The following ZC3H7A variants were observed in gnomAD, a reference collection of about 807,000 sequenced individuals.
ZC3H7A encodes zinc finger CCCH domain-containing protein 7A.
Under a neutral mutation model 125.5 loss-of-function variants are expected in ZC3H7A, and 44 were observed. That is an observed-to-expected ratio of 0.35 (90% confidence interval 0.28 to 0.45). The LOEUF (loss-of-function observed/expected upper bound fraction) is 0.45. Ranked by LOEUF, ZC3H7A falls within the 20% of genes least tolerant of loss-of-function variation. The pLI is 1.00. For missense variants in ZC3H7A, 977 were observed against 1,170.7 expected, an observed-to-expected ratio of 0.83 and a Z score of 2.41; for synonymous variants, 399 against 391.2, an observed-to-expected ratio of 1.02 and a Z score of -0.23.
rs2141201464 is a variant in ZC3H7A at position 11,776,873 on chromosome 16, C to T, written c.343G>A (p.Val115Ile). ...CAGTTACTGGCATTTAAACTGAGGA[C>T]TATATTGCAGTCCTCCAAAACTTTA... is the stretch of plus-strand genomic sequence containing the variant. Reference protein sequence around the residue: ...HDKVLEDCNIVLSLNASNCKA... With the variant: ...HDKVLEDCNIILSLNASNCKA... Residue 115 changes from valine to isoleucine, a missense_variant, in exon 5 of 23, where the codon GTC (valine) becomes ATC (isoleucine). Physicochemically the swap from Val to Ile is conservative, Grantham distance 29. Around this residue, in one of 3 missense-constraint regions of ZC3H7A, gnomAD observed 199 missense variants for 256.1 expected, o/e 0.78. Coordinates refer to ENST00000355758, the MANE Select transcript of ZC3H7A (RefSeq NM_014153.4). The T allele has an allele frequency of 6.2e-7, 1 of 1,611,732 alleles. No homozygotes were observed.
intron 15 of ZC3H7A, among the ~76,000 whole-genome samples, chr16:11,764,429 A>T (rs1016678665): frequency 6.6e-6 from 1 of 152,110 alleles, no homozygotes; most frequent in African/African-American, 2.4e-5. Flanking sequence ...CGTGCCTGTA[A>T]TCCTAGCTAC....
At position 11,779,101 on chromosome 16, in the gene ZC3H7A, A is replaced by G. The variant is rs976377571; in HGVS notation, c.306+65T>C. 4.7e-6 allele frequency: 6 copies of G among 1,281,746 alleles called. No homozygotes were observed. The African/African-American group carries it at 9.1e-5, about 19-fold the overall frequency. 79.4% of individuals were successfully genotyped at this position (1,281,746 alleles called of 1,614,324 possible). On this transcript the variant is annotated intron_variant, in intron 4 of 22. Coordinates refer to ENST00000355758, the MANE Select transcript of ZC3H7A (RefSeq NM_014153.4). ...AACTTAAGAAATTGACTTTTTATTA[A>G]TGTACTAAGTCATTGAAAAAATTCT...
intron 9 of ZC3H7A, among the ~76,000 whole-genome samples, chr16:11,773,821 T>G (rs1250505397): frequency 2.6e-5 from 4 of 151,844 alleles, no homozygotes; most frequent in Non-Finnish European, 5.9e-5. Flanking sequence ...AGGCGGAGCT[T>G]ACAGTGAGCC....
intron 19 of ZC3H7A, among the ~76,000 whole-genome samples, chr16:11,760,336 T>G (rs531689242): frequency 3.9e-5 from 6 of 152,198 alleles, no homozygotes; most frequent in African/African-American, 1.4e-4. Context: ...ACATATTATC[T>G]CCATCATCCT....
chr16:11,782,601 C>CTTTTTTTTT (rs896160381), intron 1 of ZC3H7A: 3 of 130,594 alleles, frequency 2.3e-5, no homozygotes, highest in Non-Finnish European at 3.0e-5. Flanking sequence ...TTTTCATATT[C>CTTTTTTTTT]TTTTTTTTTT....
At position 11,765,160 on chromosome 16, in the gene ZC3H7A, T is replaced by C. The variant is rs935385287; in HGVS notation, c.1720-7A>G. ...GCTTATGATCAAAACATTTCTGGAATAGAGAGAGAAAGATTATCAAAAAAA... is the reference window on the plus strand; with the variant it reads ...GCTTATGATCAAAACATTTCTGGAACAGAGAGAGAAAGATTATCAAAAAAA... On this transcript the variant is annotated splice_polypyrimidine_tract_variant and splice_region_variant and intron_variant, in intron 14 of 22. Coordinates refer to ENST00000355758, the MANE Select transcript of ZC3H7A (RefSeq NM_014153.4). This position sits in a 1 kb window ranked among gnomAD's most constrained non-coding sequence, Gnocchi z 4.8. 3 of 1,485,008 alleles carry C rather than the reference T, an allele frequency of 2.0e-6. No homozygotes were observed. Among genetic ancestry groups the C allele is most frequent in the African/African-American group, 1.4e-5 (1 of 69,146 alleles). The allele number at this position is 1,485,008 out of a possible 1,614,324, so 92.0% of individuals were successfully genotyped here.
Position 11,765,493 on chromosome 16 carries a change from C to T in ZC3H7A, c.1715G>A (p.Cys572Tyr), listed in dbSNP as rs1258301290. ...QEHLGEFIFL[C>Y]EKCFDHKPRM... ...AATAAGTTTTGGAGAACACACCTCA[C>T]AAAGGAATATAAATTCCCCAAGATG... The change falls in exon 14 of 23, where the codon TGT (cysteine) becomes TAT (tyrosine). Residue 572 changes from cysteine (C) to tyrosine (Y), a missense_variant. Cys to Tyr is a radical substitution (Grantham distance 194). Coordinates refer to ENST00000355758, the MANE Select transcript of ZC3H7A (RefSeq NM_014153.4). The surrounding 1 kb of genome is among the most constrained non-coding windows in gnomAD (Gnocchi z 4.8). 1 of 1,611,696 alleles carries T rather than the reference C, an allele frequency of 6.2e-7. No homozygotes were observed.
chr16:11,793,681 A>C lies in ZC3H7A; in HGVS notation c.-35+3443T>G, dbSNP rs551438898. ...TCATTATTGTCATCCTTAATTGGCA[A>C]CAGTATATTAACTGGCTCTTGCAAC... On this transcript the variant is annotated intron_variant, in intron 1 of 22. Coordinates refer to ENST00000355758, the MANE Select transcript of ZC3H7A (RefSeq NM_014153.4). Among the ~76,000 whole-genome samples the C allele has an allele frequency of 2.2e-4, 33 of 152,324 alleles. No homozygotes were observed. The South Asian group carries it at 5.0e-3, about 23-fold the overall frequency.
At chr16:11,771,064 A>G in intron 9 of ZC3H7A, 77 bp from the exon 10 acceptor site, 1 of 1,358,352 alleles carries the variant, frequency 7.4e-7, no homozygotes, top group South Asian at 1.4e-5. Flanking sequence ...AACACCAGCA[A>G]ATAAAAGCAT....
chr16:11,782,239 C>T, intron 2 of ZC3H7A, 48 bp downstream of exon 2: 1 of 1,607,936 alleles, frequency 6.2e-7, no homozygotes. Flanking sequence ...TACATCCACA[C>T]CAAAGAATTA....
At chr16:11,795,980 G>A (rs1032848437) in intron 1 of ZC3H7A, among the ~76,000 whole-genome samples, 16 of 152,068 alleles carry the variant, frequency 1.1e-4, no homozygotes, top group South Asian at 4.1e-4. Context: ...ACCGGCGTGC[G>A]CCACCACGCC....
Position 11,782,415 on chromosome 16 carries a change from C to T in ZC3H7A, c.-34-27G>A, listed in dbSNP as rs371054497. The T allele has an allele frequency of 4.3e-5, 68 of 1,597,658 alleles. No homozygotes were observed. In the African/African-American group the frequency reaches 8.7e-4, roughly 20 times the overall value. On this transcript the variant is annotated intron_variant, in intron 1 of 22. Transcript: ENST00000355758. The stretch of plus-strand genomic sequence containing the variant: ...TGGAAAGAAACAAGGCAAAAAAGCA[C>T]ATAAGGTACCAGGGTCCCTGGACTC...
intron 16 of ZC3H7A, 47 bp from the exon 17 acceptor site, chr16:11,762,794 C>T (rs1567376428): frequency 1.3e-6 from 2 of 1,589,598 alleles, no homozygotes; most frequent in Non-Finnish European, 1.7e-6. Flanking sequence ...ATAAGAACAA[C>T]AGCCCACCAA....
At position 11,751,184 on chromosome 16, in the gene ZC3H7A, G is replaced by T; in HGVS notation, c.*133C>A. On this transcript the variant is annotated 3_prime_UTR_variant, in exon 23 of 23. Transcript: ENST00000355758. ...ACAGCCCATTTTCCTACCTACTGTG[G>T]GTTGCTGCTCAGGAGGAACGATATA... 1.1e-6 allele frequency: 1 copy of T among 924,532 alleles called. No homozygotes were observed. Among genetic ancestry groups the T allele is most frequent in the Non-Finnish European group, 1.6e-6 (1 of 640,474 alleles). 57.3% of individuals were successfully genotyped at this position (924,532 alleles called of 1,614,324 possible).
chr16:11,785,041 C>T (rs1332133185), intron 1 of ZC3H7A, among the ~76,000 whole-genome samples: 5 of 151,704 alleles, frequency 3.3e-5, no homozygotes, highest in South Asian at 2.1e-4. Context: ...GCCTATAATC[C>T]CAGCTACTAC....
chr16:11,776,209 G>C, intron 7 of ZC3H7A, 111 bp downstream of exon 7: 2 of 1,043,822 alleles, frequency 1.9e-6, no homozygotes, highest in Non-Finnish European at 2.8e-6. Flanking sequence ...ACGTGTTTGA[G>C]GAATTAAAAA....
intron 12 of ZC3H7A, among the ~76,000 whole-genome samples, chr16:11,767,904 CAT>C (rs2052889499): frequency 6.6e-6 from 1 of 152,106 alleles, no homozygotes; most frequent in Non-Finnish European, 1.5e-5. Flanking sequence ...TAACGGTAAA[CAT>C]ATGAAACAAG....
rs181667566 is a variant in ZC3H7A, at chr16:11,768,270, T to C, written c.1360+45A>G. 826 of 1,385,404 alleles carry C rather than the reference T, an allele frequency of 6.0e-4. 11 individuals are homozygous for C. The South Asian group carries it at 0.014, about 23-fold the overall frequency. The allele number at this position is 1,385,404 out of a possible 1,614,324, so 85.8% of individuals were successfully genotyped here. A position where few individuals can be genotyped will look rare whatever the true frequency, so the allele number is the denominator to read the frequency against. ...AAATTCCTAAGAACTTTCAAGGTTA[T>C]GAGCAAGTAGTTTAATACTCTCTGC... On this transcript the variant is annotated intron_variant, in intron 12 of 22. Transcript: ENST00000355758.
rs1229498448 is a variant in ZC3H7A, at chr16:11,762,006, A to G, written c.2117T>C (p.Met706Thr). 6 of 1,612,100 alleles carry G rather than the reference A, an allele frequency of 3.7e-6. No individual in the cohort carries two copies. Among genetic ancestry groups the G allele is most frequent in the African/African-American group, 1.3e-5 (1 of 74,870 alleles). The change falls in exon 18 of 23, where the codon ATG (methionine) becomes ACG (threonine). Residue 706 changes from methionine to threonine, a missense_variant. This residue lies in a region of ZC3H7A where 436 missense variants were observed against 603.2 expected (regional missense o/e 0.72). Transcript: ENST00000355758. ...CTGGGCGCACACAAACTTTATCTTC[A>G]TATTAAGAAATCCAGGCATTATTTG... The part of the protein sequence containing the change: ...GNQIMPGFLN[M>T]KIKFVCAQCL...
Sources: allele counts gnomAD v4.1 joint callset (sites outside exome capture counted in the v4.1 genomes callset), GRCh38; gene constraint gnomAD v4.1.1; regional missense constraint gnomAD v4.1.1; non-coding constraint Gnocchi (gnomAD v3.1); transcripts MANE v1.5; gene names NCBI Gene and HGNC (gene_info 2026-07-23, HGNC 2026-07-21).